The following CACNA2D3 variants were observed in gnomAD, a reference collection of about 807,000 sequenced individuals.
CACNA2D3 encodes the protein calcium voltage-gated channel auxiliary subunit alpha2delta 3, also known as voltage-dependent calcium channel subunit alpha-2/delta-3.
Under a neutral mutation model 160.6 loss-of-function variants are expected in CACNA2D3, and 60 were observed. The observed-to-expected ratio is 0.37, with a 90% confidence interval of 0.30 to 0.46. The LOEUF is 0.46. Among genes scored for constraint, CACNA2D3 ranks in the 20% least tolerant of loss-of-function variants. CACNA2D3 has a pLI of 1.00. For missense variants in CACNA2D3, 1,205 were observed against 1,365.0 expected, an observed-to-expected ratio of 0.88 and a Z score of 1.85; for synonymous variants, 558 against 492.9, an observed-to-expected ratio of 1.13 and a Z score of -1.75.
chr3:54,633,479 T>G (rs974102723), intron 10 of CACNA2D3: 1 of 151,904 alleles, frequency 6.6e-6, no homozygotes, highest in African/African-American at 2.4e-5. Flanking sequence ...GTTTGAAGAG[T>G]AAGAAAAATC....
Position 54,703,342 on chromosome 3 carries a change from G to A in CACNA2D3, c.1168-49257G>A, listed in dbSNP as rs564099997. ...TACATGTGATTCATTTTATCCATTT[G>A]GAGCTAGAATTTACTTATAAGAATT... On this transcript the variant is annotated intron_variant, in intron 11 of 37. Coordinates refer to ENST00000474759, the MANE Select transcript of CACNA2D3 (RefSeq NM_018398.3). Among the ~76,000 whole-genome samples, 29 of 152,242 alleles carry A rather than the reference G, an allele frequency of 1.9e-4. 1 individual carries two copies. The South Asian group carries it at 6.0e-3, about 32-fold the overall frequency.
At chr3:54,864,470 T>A (rs1699358278) in intron 17 of CACNA2D3, among the ~76,000 whole-genome samples, 1 of 152,076 alleles carries the variant, frequency 6.6e-6, no homozygotes, top group Admixed American at 6.6e-5. Context: ...GATGGGTTTT[T>A]GCCATGTTGG....
chr3:54,136,351 A>C (rs1301273664), intron 2 of CACNA2D3, among the ~76,000 whole-genome samples: 1 of 152,248 alleles, frequency 6.6e-6, no homozygotes, highest in Non-Finnish European at 1.5e-5. Flanking sequence ...GTTGAGGTTC[A>C]GATGATCAAA....
chr3:54,368,321 C>T (rs9872617), intron 3 of CACNA2D3, among the ~76,000 whole-genome samples: 36 of 152,100 alleles, frequency 2.4e-4, no homozygotes, highest in African/African-American at 8.0e-4. Context: ...AACAAACAAA[C>T]AAAACCCCAA....
chr3:54,384,726 T>C (rs1388946421), intron 3 of CACNA2D3, among the ~76,000 whole-genome samples: 1 of 152,174 alleles, frequency 6.6e-6, no homozygotes, highest in East Asian at 1.9e-4. Context: ...ATAAGTTTTG[T>C]GTTTTGTTTT....
chr3:54,833,325 C>A (rs1359253501), intron 14 of CACNA2D3, among the ~76,000 whole-genome samples: 1 of 152,164 alleles, frequency 6.6e-6, no homozygotes, highest in African/African-American at 2.4e-5. Flanking sequence ...TTTAAGATTC[C>A]CACTTGGACT....
At chr3:54,409,269 A>G (rs978428889) in intron 4 of CACNA2D3, among the ~76,000 whole-genome samples, 14 of 152,190 alleles carry the variant, frequency 9.2e-5, no homozygotes, top group Non-Finnish European at 2.1e-4. Flanking sequence ...TGTTATGGTA[A>G]TCTGTGATCA....
intron 13 of CACNA2D3, among the ~76,000 whole-genome samples, chr3:54,803,424 A>G (rs187753155): frequency 0.028 from 4,309 of 152,354 alleles, 99 homozygotes; most frequent in Non-Finnish European, 0.042. Context: ...CAGAAGCCTC[A>G]GGAGCCGATG....
At chr3:54,977,667 T>A (rs1349000655) in intron 29 of CACNA2D3, among the ~76,000 whole-genome samples, 3 of 152,312 alleles carry the variant, frequency 2.0e-5, no homozygotes, top group African/African-American at 7.2e-5. Flanking sequence ...ACTCAACATG[T>A]ATTTACTGAC....
At chr3:55,004,711 G>A (rs1703052532) in intron 31 of CACNA2D3, 52 bp from the exon 32 acceptor site, 5 of 1,230,036 alleles carry the variant, frequency 4.1e-6, no homozygotes, top group Admixed American at 1.7e-5. Flanking sequence ...AGCATCAATT[G>A]GTTCCCGTGT....
Position 55,009,392 on chromosome 3 carries a change from C to T in CACNA2D3, c.2824C>T (p.Leu942=). 1 of 1,613,740 alleles carries T rather than the reference C, an allele frequency of 6.2e-7. No homozygotes were observed. Among genetic ancestry groups the T allele is most frequent in the Non-Finnish European group, 8.5e-7 (1 of 1,179,678 alleles). ...KWIMTELVLF[L]VEFNLCSWWH... is the part of the protein sequence containing the mutation. ...GCTTTTCCACGATCTGTTTAGGTTC[C>T]TGGTGGAATTTAACCTCTGCAGTTG... The change falls in exon 34 of 38, where the codon CTG becomes TTG. Residue 942 remains leucine, a synonymous_variant. Transcript: ENST00000474759.
intron 2 of CACNA2D3, among the ~76,000 whole-genome samples, chr3:54,155,520 A>G (rs532383537): frequency 9.2e-5 from 14 of 152,344 alleles, no homozygotes; most frequent in African/African-American, 9.6e-5. Context: ...AAGGGACAAC[A>G]CTGGGAAATA....
At chr3:54,429,837 CCTT>C (rs1559479088) in intron 4 of CACNA2D3, among the ~76,000 whole-genome samples, 1 of 151,882 alleles carries the variant, frequency 6.6e-6, no homozygotes, top group African/African-American at 2.4e-5. Flanking sequence ...TTTTAAATAG[CCTT>C]CTATGGATTT....
At chr3:54,407,168 T>C (rs1037663690) in intron 4 of CACNA2D3, among the ~76,000 whole-genome samples, 1 of 152,102 alleles carries the variant, frequency 6.6e-6, no homozygotes, top group Non-Finnish European at 1.5e-5. Context: ...GTCTCCACTT[T>C]GAGTAAGGTG....
chr3:54,329,469 G>A (rs947225788), intron 3 of CACNA2D3, among the ~76,000 whole-genome samples: 1 of 152,206 alleles, frequency 6.6e-6, no homozygotes, highest in African/African-American at 2.4e-5. Context: ...CAAAGCAACT[G>A]TGGGGTTCAT....
chr3:54,803,588 C>A (rs1703046010), intron 13 of CACNA2D3, among the ~76,000 whole-genome samples: 2 of 152,242 alleles, frequency 1.3e-5, no homozygotes, highest in Admixed American at 6.5e-5. Flanking sequence ...ATTGGTGTAC[C>A]TGAAAGTGAT....
chr3:55,050,393 G>A (rs1704173198), intron 35 of CACNA2D3, among the ~76,000 whole-genome samples: 1 of 151,610 alleles, frequency 6.6e-6, no homozygotes. Flanking sequence ...GAAATTCTGG[G>A]TTGAAAATTC....
rs184552812 is a variant in CACNA2D3, at chr3:54,388,881, A to G, written c.381+2107A>G. Among the ~76,000 whole-genome samples the G allele has an allele frequency of 9.4e-3, 1,436 of 152,316 alleles. 17 individuals carry two copies. The highest frequency in any genetic ancestry group is 0.03 in the African/African-American group (1,241 of 41,564). On this transcript the variant is annotated intron_variant, in intron 4 of 37. Coordinates refer to ENST00000474759, the MANE Select transcript of CACNA2D3 (RefSeq NM_018398.3). ...GTGTCACTTTTCTCAGAAGTTCCTGAAGGCTTTTCAGGAATATTCTGATTT... is the reference window on the plus strand; with the variant it reads ...GTGTCACTTTTCTCAGAAGTTCCTGGAGGCTTTTCAGGAATATTCTGATTT...
chr3:55,053,045 A>T (rs895733652), intron 35 of CACNA2D3, among the ~76,000 whole-genome samples: 1 of 152,074 alleles, frequency 6.6e-6, no homozygotes, highest in South Asian at 2.1e-4. Flanking sequence ...CATTTAGAAA[A>T]TTTTTGACAA....
Sources: allele counts gnomAD v4.1 joint callset (sites outside exome capture counted in the v4.1 genomes callset), GRCh38; gene constraint gnomAD v4.1.1; transcripts MANE v1.5; gene names NCBI Gene and HGNC (gene_info 2026-07-23, HGNC 2026-07-21).